Variants in CENPI observed in about 807,000 individuals in gnomAD.
CENPI encodes centromere protein I.
In CENPI, 4 loss-of-function variants were observed where a neutral mutation model predicts 60.4. The ratio of observed to expected loss-of-function variants is 0.07; its 90% confidence interval spans 0.03 to 0.15. CENPI has a LOEUF of 0.15. Among genes scored for constraint, CENPI ranks in the 10% least tolerant of loss-of-function variants. The pLI, the probability that CENPI is intolerant of heterozygous loss-of-function variation, is 1.00. For synonymous variants in CENPI, 157 were observed against 189.4 expected, an observed-to-expected ratio of 0.83 and a Z score of 1.40; for missense variants, 444 against 534.5, an observed-to-expected ratio of 0.83 and a Z score of 1.67.
chrX:101,102,490 T>TACACACACACACACACACAC lies in CENPI; in HGVS notation c.364+80_364+81insCACACACACACACACACACA, dbSNP rs776207901. ...TTTTCTTTTAAAAATAAATCTTATA[T>TACACACACACACACACACAC]ATATATACACACACACACACACACA... On this transcript the variant is annotated intron_variant, in intron 4 of 21. Coordinates refer to ENST00000682095, the MANE Select transcript of CENPI (RefSeq NM_001386188.2). 52 of 292,587 alleles carry TACACACACACACACACACAC rather than the reference T, an allele frequency of 1.8e-4. 1 individual carries two copies. Among genetic ancestry groups the TACACACACACACACACACAC allele is most frequent in the Middle Eastern group, 2.5e-3 (2 of 793 alleles). The allele number at this position is 292,587 out of a possible 1,213,427, so 24.1% of individuals were successfully genotyped here.
chrX:101,156,832 A>T (rs2090057251), intron 20 of CENPI, among the ~76,000 whole-genome samples: 1 of 108,749 alleles, frequency 9.2e-6, no homozygotes, highest in Non-Finnish European at 1.9e-5. Context: ...CCATTAATTC[A>T]TTCATTTTTA....
the CENPI span, among the ~76,000 whole-genome samples, chrX:101,178,398 C>CTTTTT: frequency 8.3e-4 from 33 of 39,972 alleles, 1 homozygote; most frequent in Non-Finnish European, 1.3e-3. Context: ...TTTTCTTCTT[C>CTTTTT]TTTTTTTTTT....
intron 20 of CENPI, among the ~76,000 whole-genome samples, chrX:101,150,273 C>A (rs1224166977): frequency 9.4e-6 from 1 of 106,206 alleles, no homozygotes; most frequent in Non-Finnish European, 1.9e-5. Flanking sequence ...GCACTAAATC[C>A]TTCTACAAAC....
intron 6 of CENPI, among the ~76,000 whole-genome samples, chrX:101,119,407 T>G (rs7054851): frequency 0.21 from 22,755 of 110,876 alleles, 1,921 homozygotes; most frequent in South Asian, 0.33. Context: ...TCCTATTATT[T>G]AGAGAAGGTA....
At chrX:101,150,466 G>A (rs1477548049) in intron 20 of CENPI, among the ~76,000 whole-genome samples, 2 of 109,790 alleles carry the variant, frequency 1.8e-5, no homozygotes, top group Admixed American at 2.0e-4. Context: ...GACCTTGGGG[G>A]CTCAAGTGAT....
intron 6 of CENPI, among the ~76,000 whole-genome samples, chrX:101,115,086 C>T (rs2089605401): frequency 9.1e-6 from 1 of 109,842 alleles, no homozygotes; most frequent in Non-Finnish European, 1.9e-5. Context: ...GCCTCAGCCT[C>T]CCGAGTAGCT....
chrX:101,114,969 A>G (rs1162332775), intron 6 of CENPI, among the ~76,000 whole-genome samples: 1 of 99,620 alleles, frequency 1.0e-5, no homozygotes, highest in Non-Finnish European at 2.0e-5. Flanking sequence ...TTTTTTTTTT[A>G]ATTTATTTTT....
chrX:101,099,036 T>TTC (rs2089377824), intron 2 of CENPI, among the ~76,000 whole-genome samples: 1 of 101,208 alleles, frequency 9.9e-6, no homozygotes, highest in African/African-American at 3.8e-5. Flanking sequence ...ACTGTTTCTT[T>TTC]TCTTTTCTCT....
At chrX:101,175,211 C>A in the CENPI span, among the ~76,000 whole-genome samples, 2 of 112,145 alleles carry the variant, frequency 1.8e-5, no homozygotes, top group Admixed American at 1.9e-4. Flanking sequence ...ATAACTTAAC[C>A]CCATTTTTAC....
chrX:101,130,999 G>GT (rs1254228243), intron 13 of CENPI, among the ~76,000 whole-genome samples: 20 of 109,372 alleles, frequency 1.8e-4, no homozygotes, highest in East Asian at 5.7e-4. Flanking sequence ...ATAATTCTTT[G>GT]TTTTTTTTTA....
chrX:101,140,503 C>T (rs1436542116), intron 15 of CENPI, among the ~76,000 whole-genome samples, 163 bp from the exon 16 acceptor site: 8 of 112,188 alleles, frequency 7.1e-5, no homozygotes, highest in East Asian at 2.8e-4. Flanking sequence ...ACTTGGCATT[C>T]GTCTGTCTTC....
intron 10 of CENPI, 28 bp downstream of exon 10, chrX:101,127,294 C>A: frequency 8.8e-7 from 1 of 1,132,351 alleles, no homozygotes; most frequent in Non-Finnish European, 1.2e-6. Flanking sequence ...AAACAACTTG[C>A]ATGGCTTTCT....
Position 101,161,587 on chromosome X carries a change from C to T in CENPI, c.2136+18C>T, listed in dbSNP as rs770836016. ...CTATTCGGGTAAATAAATTTACTTT[C>T]ATCGTGTTGAGGGATTTCATACAGC... On this transcript the variant is annotated intron_variant, in intron 21 of 21. Coordinates refer to ENST00000682095, the MANE Select transcript of CENPI (RefSeq NM_001386188.2). 60 of 1,177,530 alleles carry T rather than the reference C, an allele frequency of 5.1e-5. No individual in the cohort carries two copies. The Admixed American group carries it at 1.3e-3, about 26-fold the overall frequency.
chrX:101,099,906 C>T (rs2089394491), intron 2 of CENPI: 1 of 108,254 alleles, frequency 9.2e-6, no homozygotes, highest in Non-Finnish European at 1.9e-5. Context: ...TCCTGCCTCA[C>T]CCTCCTGAGT....
At chrX:101,106,027 C>T (rs1980555) in intron 4 of CENPI, among the ~76,000 whole-genome samples, 14,483 of 109,810 alleles carry the variant, frequency 0.13, 707 homozygotes, top group Middle Eastern at 0.22. Context: ...AGTTGAGATG[C>T]ATATTTAGAG....
rs754733306 is a variant in CENPI at position 101,161,508 on chromosome X, T to C, written c.2095-20T>C. On this transcript the variant is annotated intron_variant, in intron 20 of 21. Coordinates refer to ENST00000682095, the MANE Select transcript of CENPI (RefSeq NM_001386188.2). ...TTTTTTGTTTTGCTTTGTTTTGTTT[T>C]TTGTTTGTTTGTTTTTAAGGAAAGC... 1.1e-5 allele frequency: 13 copies of C among 1,201,041 alleles called. No individual in the cohort carries two copies. The South Asian group carries it at 2.3e-4, about 21-fold the overall frequency.
intron 20 of CENPI, among the ~76,000 whole-genome samples, chrX:101,150,515 C>T (rs1325745235): frequency 4.6e-5 from 5 of 109,838 alleles, no homozygotes; most frequent in African/African-American, 1.7e-4. Flanking sequence ...GGACTACAGG[C>T]GTGCGCCAAC....
rs774614281 is a variant in CENPI, at chrX:101,150,432, G to A, written c.2094+2271G>A. ...GTCCCCCAGGATGGAGTGCAGTGTCGCAATCTCGGCTCACTACAGCCTTGA... is the reference window on the plus strand; with the variant it reads ...GTCCCCCAGGATGGAGTGCAGTGTCACAATCTCGGCTCACTACAGCCTTGA... On this transcript the variant is annotated intron_variant, in intron 20 of 21. Coordinates refer to ENST00000682095, the MANE Select transcript of CENPI (RefSeq NM_001386188.2). 1.3e-3 allele frequency among the ~76,000 whole-genome samples: 144 copies of A among 109,299 alleles called. 2 individuals carry two copies. The highest frequency in any genetic ancestry group is 4.1e-3 in the African/African-American group (123 of 30,054). 94.9% of individuals were successfully genotyped at this position (109,299 alleles called of 115,157 possible).
At chrX:101,173,982 C>G in the CENPI span, among the ~76,000 whole-genome samples, 1 of 111,768 alleles carries the variant, frequency 8.9e-6, no homozygotes, top group East Asian at 2.8e-4. Context: ...GGCCAGAAAA[C>G]GTATGAAAAA....
Sources: gnomAD v4.1 joint callset for allele counts (sites outside exome capture counted in the v4.1 genomes callset) on GRCh38, gnomAD v4.1.1 for gene constraint, MANE v1.5 for transcripts, NCBI Gene and HGNC (gene_info 2026-07-23, HGNC 2026-07-21) for gene names.